Variants in TBCE observed in about 807,000 individuals in gnomAD.
TBCE encodes tubulin folding cofactor E.
Under a neutral mutation model 77.0 loss-of-function variants are expected in TBCE, and 53 were observed. The ratio of observed to expected loss-of-function variants is 0.69; its 90% CI spans 0.55 to 0.87. The LOEUF (loss-of-function observed/expected upper bound fraction) is 0.87, where lower values mean the gene tolerates loss of function less well. Among genes scored for constraint, TBCE ranks in the 40% least tolerant of loss-of-function variants. TBCE has a pLI of 0.00. For synonymous variants in TBCE, 235 were observed against 241.3 expected (o/e 0.97, Z 0.24); for missense variants, 624 against 622.4 (o/e 1.00, Z -0.03).
chr1:235,385,787 T>C (rs1677965041), intron 2 of TBCE, among the ~76,000 whole-genome samples: 1 of 152,204 alleles, frequency 6.6e-6, no homozygotes, highest in South Asian at 2.1e-4. Flanking sequence ...CCAGTCTGTG[T>C]CTTTTAATTG....
intron 2 of TBCE, among the ~76,000 whole-genome samples, chr1:235,384,652 C>A (rs1347941451): frequency 7.3e-5 from 11 of 151,374 alleles, no homozygotes; most frequent in Admixed American, 5.3e-4. Context: ...TCTGTGGGAT[C>A]GGTGGTGATA....
chr1:235,448,709 T>G lies in TBCE; in HGVS notation c.1531T>G (p.Ser511Ala). 1 of 1,614,132 alleles carries G rather than the reference T, an allele frequency of 6.2e-7. No individual in the cohort carries two copies. Among genetic ancestry groups the G allele is most frequent in the Non-Finnish European group, 8.5e-7 (1 of 1,180,006 alleles). ...AATCGAGCTGGAAAATGACCTAAAG[T>G]CATTACAGTTTTATTCTGTGGAAAA... is the stretch of plus-strand genomic sequence containing the variant. ...REIELENDLKSLQFYSVENGD... is the reference protein window; with the variant it reads ...REIELENDLKALQFYSVENGD... The change falls in exon 17 of 17, where the codon TCA becomes GCA. Residue 511 changes from serine to alanine, a missense_variant. By Grantham distance (99) the Ser-to-Ala change is moderately conservative. Coordinates refer to ENST00000642610, the MANE Select transcript of TBCE (RefSeq NM_003193.5).
chr1:235,378,833 C>A (rs1050922963), intron 1 of TBCE, among the ~76,000 whole-genome samples: 1 of 152,056 alleles, frequency 6.6e-6, no homozygotes, highest in Non-Finnish European at 1.5e-5. Context: ...TGCACTCCAG[C>A]CTGGGCAACA....
chr1:235,407,902 C>G, intron 3 of TBCE, among the ~76,000 whole-genome samples: 1 of 150,630 alleles, frequency 6.6e-6, no homozygotes, highest in Admixed American at 6.6e-5. Flanking sequence ...TCAACCTAAA[C>G]CCCAGAGTAT....
At chr1:235,393,889 C>T (rs1254627828) in intron 2 of TBCE, among the ~76,000 whole-genome samples, 2 of 152,246 alleles carry the variant, frequency 1.3e-5, no homozygotes, top group East Asian at 1.9e-4. Context: ...AGGGGAACAT[C>T]TAAAGATTGT....
chr1:235,422,348 C>T (rs1165008656), intron 5 of TBCE, among the ~76,000 whole-genome samples: 1 of 151,554 alleles, frequency 6.6e-6, no homozygotes, highest in Admixed American at 6.6e-5. Flanking sequence ...CTTGTCTGTA[C>T]TAAAAATACA....
intron 2 of TBCE, among the ~76,000 whole-genome samples, chr1:235,387,828 A>C (rs367888859): frequency 2.4e-4 from 36 of 152,294 alleles, no homozygotes; most frequent in African/African-American, 7.9e-4. Flanking sequence ...CGTGCAAGAA[A>C]GAATTCAGGG....
intron 3 of TBCE, among the ~76,000 whole-genome samples, chr1:235,408,356 G>A (rs1679580191): frequency 6.6e-6 from 1 of 151,472 alleles, no homozygotes; most frequent in Admixed American, 6.6e-5. Flanking sequence ...CAGTTGTAAA[G>A]TGTTTTGAGG....
At chr1:235,408,727 G>A (rs1679608344) in intron 3 of TBCE, among the ~76,000 whole-genome samples, 1 of 152,272 alleles carries the variant, frequency 6.6e-6, no homozygotes, top group East Asian at 1.9e-4. Context: ...CTGCACGAAA[G>A]CTGAGTTCTC....
chr1:235,410,573 C>T (rs779069582), intron 3 of TBCE, among the ~76,000 whole-genome samples: 15 of 152,102 alleles, frequency 9.9e-5, no homozygotes, highest in Non-Finnish European at 1.9e-4. Flanking sequence ...GTATCTTGTA[C>T]CGACCTCCTA....
chr1:235,426,069 G>T (rs1309599642), intron 5 of TBCE, among the ~76,000 whole-genome samples: 1 of 152,212 alleles, frequency 6.6e-6, no homozygotes, highest in Non-Finnish European at 1.5e-5. Context: ...ATAGACGAGT[G>T]CATTGAATAA....
chr1:235,379,693 A>C (rs1677505309), intron 1 of TBCE, among the ~76,000 whole-genome samples: 1 of 151,986 alleles, frequency 6.6e-6, no homozygotes, highest in Non-Finnish European at 1.5e-5. Flanking sequence ...TCACACCTGT[A>C]ATTTTACCAC....
At chr1:235,385,652 T>C (rs1677954506) in intron 2 of TBCE, among the ~76,000 whole-genome samples, 1 of 152,194 alleles carries the variant, frequency 6.6e-6, no homozygotes, top group South Asian at 2.1e-4. Flanking sequence ...CTGCCTTTTT[T>C]TGTTTTCCAT....
chr1:235,429,777 G>A (rs1317005485), intron 6 of TBCE: 2 of 151,768 alleles, frequency 1.3e-5, no homozygotes, highest in Admixed American at 6.6e-5. Flanking sequence ...GAGTACAGTG[G>A]TATGATCTTG....
In TBCE at chr1:235,450,037, A is replaced by C; in HGVS notation, c.*1275A>C. On this transcript the variant is annotated 3_prime_UTR_variant, in exon 17 of 17. Transcript: ENST00000642610. ...TACAGTACAAGTTGATTTTTAAGGA[A>C]ATTTGTGCAAACATTAAGAAACACC... The C allele has an allele frequency of 1.4e-6, 1 of 704,596 alleles. No individual in the cohort carries two copies. Among genetic ancestry groups the C allele is most frequent in the Non-Finnish European group, 2.2e-6 (1 of 457,324 alleles). 43.6% of individuals were successfully genotyped at this position (704,596 alleles called of 1,614,324 possible).
At chr1:235,378,057 G>A (rs1677404805) in intron 1 of TBCE, among the ~76,000 whole-genome samples, 1 of 152,106 alleles carries the variant, frequency 6.6e-6, no homozygotes, top group Admixed American at 6.6e-5. Flanking sequence ...AGTCAGTAAT[G>A]TATTCTAACC....
chr1:235,414,731 T>C, intron 4 of TBCE, 113 bp downstream of exon 4: 1 of 1,032,788 alleles, frequency 9.7e-7, no homozygotes, highest in Non-Finnish European at 1.5e-6. Flanking sequence ...AACTGGTTTA[T>C]GGTTCCACAG....
chr1:235,420,258 CTG>C (rs1446590371), intron 5 of TBCE, among the ~76,000 whole-genome samples: 3 of 151,916 alleles, frequency 2.0e-5, no homozygotes, highest in African/African-American at 7.3e-5. Context: ...GGGCTGCTGA[CTG>C]TGTACTGGGA....
intron 15 of TBCE, 159 bp downstream of exon 15, chr1:235,443,070 T>TA: frequency 1.4e-6 from 1 of 730,796 alleles, no homozygotes; most frequent in South Asian, 1.7e-5. Flanking sequence ...TCAATCATGC[T>TA]AATATCACTC....
Sources: gnomAD v4.1 joint callset for allele counts (sites outside exome capture counted in the v4.1 genomes callset) on GRCh38, gnomAD v4.1.1 for gene constraint, MANE v1.5 for transcripts, NCBI Gene and HGNC (gene_info 2026-07-23, HGNC 2026-07-21) for gene names.